Variants in ATP13A3 observed in about 807,000 individuals in gnomAD.
The protein encoded by ATP13A3 is ATPase 13A3.
A neutral mutation model predicts 158.1 loss-of-function variants in ATP13A3; 59 were observed. The ratio of observed to expected loss-of-function variants is 0.37; its 90% CI spans 0.30 to 0.46. The LOEUF (loss-of-function observed/expected upper bound fraction) is 0.46, where lower values mean the gene tolerates loss of function less well. ATP13A3 is among the 20% of genes least tolerant of loss of function. The pLI, the probability that ATP13A3 is intolerant of heterozygous loss-of-function variation, is 1.00. For synonymous variants in ATP13A3, 491 were observed against 504.3 expected (o/e 0.97, Z 0.35); for missense variants, 1,166 against 1,525.2 (o/e 0.76, Z 3.92).
At chr3:194,493,377 C>T (rs999868682) in intron 2 of ATP13A3, among the ~76,000 whole-genome samples, 5 of 151,890 alleles carry the variant, frequency 3.3e-5, no homozygotes, top group South Asian at 2.1e-4. Flanking sequence ...GCTGAGCGCA[C>T]GGCTCACCCC....
chr3:194,405,891 C>T lies in ATP13A3; in HGVS notation c.*28G>A. On this transcript the variant is annotated 3_prime_UTR_variant, in exon 34 of 34. Coordinates refer to ENST00000645319, the MANE Select transcript of ATP13A3 (RefSeq NM_001367549.1). Reference sequence around the variant, plus strand: ...ATCACATATTCCTGAATACTGCTATCAGCAATACCACTGAGACTGATTCAC... The same window carrying T: ...ATCACATATTCCTGAATACTGCTATTAGCAATACCACTGAGACTGATTCAC... 3 of 1,607,506 alleles carry T rather than the reference C, an allele frequency of 1.9e-6. No individual in the cohort carries two copies. The highest frequency in any genetic ancestry group is 1.1e-5 in the South Asian group (1 of 90,816).
intron 2 of ATP13A3, among the ~76,000 whole-genome samples, chr3:194,464,622 T>C (rs1047683308): frequency 2.0e-5 from 3 of 152,136 alleles, no homozygotes; most frequent in Non-Finnish European, 4.4e-5. Flanking sequence ...AGGCCTACTA[T>C]CAAAGGATAA....
chr3:194,463,857 A>G (rs1397549310), intron 2 of ATP13A3, among the ~76,000 whole-genome samples: 2 of 152,244 alleles, frequency 1.3e-5, no homozygotes, highest in Non-Finnish European at 2.9e-5. Context: ...ATCATAAAGC[A>G]ACCAATAAGA....
rs397972334 is a variant in ATP13A3, at chr3:194,421,944, CAAA to C, written c.3314-1980_3314-1978del. Among the ~76,000 whole-genome samples, 20 of 97,450 alleles carry C rather than the reference CAAA, an allele frequency of 2.1e-4. 1 individual carries two copies. Among genetic ancestry groups the C allele is most frequent in the African/African-American group, 4.3e-4 (10 of 23,136 alleles). 63.9% of individuals were successfully genotyped at this position (97,450 alleles called of 152,430 possible). On this transcript the variant is annotated intron_variant, in intron 30 of 33. Transcript: ENST00000645319. ...TGGTTCTTGACATGTGTGTCGTTGG[CAAA>C]AAAAAAAAAAAAAAATTTACTCAAG...
chr3:194,442,912 T>C (rs997130383), intron 15 of ATP13A3, among the ~76,000 whole-genome samples: 5 of 152,104 alleles, frequency 3.3e-5, no homozygotes, highest in African/African-American at 1.2e-4. Context: ...CTTCATAGTA[T>C]TGAGAGAACA....
intron 2 of ATP13A3, among the ~76,000 whole-genome samples, chr3:194,484,134 A>C (rs1720870868): frequency 6.6e-6 from 1 of 152,228 alleles, no homozygotes; most frequent in Admixed American, 6.5e-5. Context: ...ACATACAACT[A>C]ACCTTATAAA....
intron 2 of ATP13A3, among the ~76,000 whole-genome samples, chr3:194,468,762 C>T (rs866566558): frequency 3.3e-4 from 50 of 152,164 alleles, no homozygotes; most frequent in Non-Finnish European, 2.5e-4. Flanking sequence ...ATTTAAATAA[C>T]GACCTGTAAT....
chr3:194,428,392 G>A (rs1207588394), intron 28 of ATP13A3, among the ~76,000 whole-genome samples: 1 of 152,090 alleles, frequency 6.6e-6, no homozygotes, highest in Non-Finnish European at 1.5e-5. Flanking sequence ...CACCCCAAAG[G>A]AGCATCTGGC....
intron 16 of ATP13A3, 29 bp downstream of exon 16, chr3:194,441,282 T>A: frequency 6.4e-7 from 1 of 1,551,390 alleles, no homozygotes; most frequent in Non-Finnish European, 8.8e-7. Flanking sequence ...TTTCCTAAAG[T>A]TATTTGTATT....
intron 2 of ATP13A3, among the ~76,000 whole-genome samples, chr3:194,477,040 T>C (rs1264721945): frequency 1.3e-5 from 2 of 152,210 alleles, no homozygotes; most frequent in African/African-American, 4.8e-5. Context: ...AAACCTTACA[T>C]GTCATTCATT....
Position 194,437,317 on chromosome 3 carries a change from C to G in ATP13A3, c.1993G>C (p.Glu665Gln). Residue 665 changes from glutamate to glutamine, a missense_variant, in exon 19 of 34, where the codon GAA becomes CAA. Glu to Gln is a conservative substitution (Grantham distance 29, BLOSUM62 2). Coordinates refer to ENST00000645319, the MANE Select transcript of ATP13A3 (RefSeq NM_001367549.1). ...PEAIAGLCKP[E>Q]TVPVDFQNVL... ...AGCATAGATATTTCCTTACCTGTTT[C>G]AGGTTTACAGAGACCGGCAATGGCC... 1 of 1,614,208 alleles carries G rather than the reference C, an allele frequency of 6.2e-7. No individual in the cohort carries two copies. Among genetic ancestry groups the G allele is most frequent in the South Asian group, 1.1e-5 (1 of 91,080 alleles).
At chr3:194,452,555 C>T (rs1718885129) in intron 10 of ATP13A3, 1 of 152,144 alleles carries the variant, frequency 6.6e-6, no homozygotes, top group African/African-American at 2.4e-5. Context: ...TTGGACTGAG[C>T]CCAAATCCCT....
chr3:194,459,919 G>A lies in ATP13A3; in HGVS notation c.278C>T (p.Thr93Ile). The A allele has an allele frequency of 6.2e-7, 1 of 1,613,248 alleles. No individual in the cohort carries two copies. Among genetic ancestry groups the A allele is most frequent in the East Asian group, 2.2e-5 (1 of 44,762 alleles). ...CAKIRVLSLE[T>I]YPVSSPKSMS... ...AGATTTTGGACTTGAAACTGGGTAA[G>A]TTTCCAAAGAAAGAACGCGAATTTT... The change falls in exon 5 of 34, where the codon ACT (threonine) becomes ATT (isoleucine). Residue 93 changes from threonine to isoleucine, a missense_variant. By Grantham distance (89) the Thr-to-Ile change is moderately conservative (BLOSUM62 -1). Coordinates refer to ENST00000645319, the MANE Select transcript of ATP13A3 (RefSeq NM_001367549.1).
At chr3:194,475,989 G>A (rs1301158761) in intron 2 of ATP13A3, among the ~76,000 whole-genome samples, 4 of 152,104 alleles carry the variant, frequency 2.6e-5, no homozygotes, top group Admixed American at 6.5e-5. Flanking sequence ...GGAATGACAC[G>A]TAGGCAGCAC....
At position 194,485,833 on chromosome 3, in the gene ATP13A3, G is replaced by A. The variant is rs1221349786; in HGVS notation, c.-86C>T. ...CACCAAGATTCAGGGATGTCTGTCA[G>A]ATCTATGGGAAGAGGAAACAATAAA... On this transcript the variant is annotated splice_region_variant and 5_prime_UTR_variant, in exon 2 of 34. Coordinates refer to ENST00000645319, the MANE Select transcript of ATP13A3 (RefSeq NM_001367549.1). 6.6e-6 allele frequency: 1 copy of A among 152,196 alleles called. No individual in the cohort carries two copies. The highest frequency in any genetic ancestry group is 1.9e-4 in the East Asian group (1 of 5,202). The allele number at this position is 152,196 out of a possible 1,614,324, so 9.4% of individuals were successfully genotyped here.
chr3:194,449,197 C>T (rs11914779), intron 11 of ATP13A3, among the ~76,000 whole-genome samples: 34,331 of 151,918 alleles, frequency 0.23, 4,475 homozygotes, highest in African/African-American at 0.37. Context: ...TAATTCTCTG[C>T]AGCATTCACA....
rs780256077 is a variant in ATP13A3 at position 194,437,131 on chromosome 3, G to C, written c.2084C>G (p.Ser695Ter). ...CTGTACTTTATGCCATGTCAGTTTT[G>C]ACTCCAATTTTCTGTGTGCAAGAGC... The part of the protein sequence containing the change: ...VIALAHRKLE[S>*]KLTWHKVQNI... The change falls in exon 20 of 34, where the codon TCA becomes TGA. Residue 695 changes from serine (S) to a stop codon, truncating the protein, a stop_gained. Coordinates refer to ENST00000645319, the MANE Select transcript of ATP13A3 (RefSeq NM_001367549.1). LOFTEE classifies it high-confidence loss of function. 1 of 1,614,098 alleles carries C rather than the reference G, an allele frequency of 6.2e-7. No homozygotes were observed. Among genetic ancestry groups the C allele is most frequent in the Admixed American group, 1.7e-5 (1 of 60,028 alleles).
chr3:194,450,137 T>C lies in ATP13A3; in HGVS notation c.970+8A>G, dbSNP rs1208022431. Reference sequence around the variant, plus strand: ...CAACTCATGTTGATATTTACTCATTTAGCTTACCTGTTAACATGCTTTCGT... The same window carrying C: ...CAACTCATGTTGATATTTACTCATTCAGCTTACCTGTTAACATGCTTTCGT... On this transcript the variant is annotated splice_region_variant and intron_variant, in intron 11 of 33. Coordinates refer to ENST00000645319, the MANE Select transcript of ATP13A3 (RefSeq NM_001367549.1). 6.2e-7 allele frequency: 1 copy of C among 1,613,094 alleles called. No individual in the cohort carries two copies. The highest frequency in any genetic ancestry group is 1.1e-5 in the South Asian group (1 of 90,836).
chr3:194,448,470 T>C lies in ATP13A3; in HGVS notation c.1137A>G (p.Ile379Met), dbSNP rs1718560411. Residue 379 changes from isoleucine to methionine, a missense_variant, in exon 12 of 34, where the codon ATA becomes ATG. Physicochemically the swap from Ile to Met is conservative, Grantham distance 10 (BLOSUM62 1). This residue lies in a region of ATP13A3 where 997 missense variants were observed against 1,341.2 expected (regional missense o/e 0.74). Coordinates refer to ENST00000645319, the MANE Select transcript of ATP13A3 (RefSeq NM_001367549.1). The surrounding 1 kb of genome is among the most constrained non-coding windows in gnomAD (Gnocchi z 4.0). ...GATGTTTCCTACCTGTTCTAACAAC[T>C]ATGGCTTTGACGAGTTCTCCAGTGT... The part of the protein sequence containing the change: ...RFYTGELVKA[I>M]VVRTGFSTSK... 3 of 1,613,922 alleles carry C rather than the reference T, an allele frequency of 1.9e-6. No individual in the cohort carries two copies. The Admixed American group carries it at 5.0e-5, about 27-fold the overall frequency.
Sources: gnomAD v4.1 joint callset for allele counts (sites outside exome capture counted in the v4.1 genomes callset) on GRCh38, gnomAD v4.1.1 for gene constraint, gnomAD v4.1.1 regional missense constraint, Gnocchi (gnomAD v3.1) non-coding constraint, MANE v1.5 for transcripts, NCBI Gene and HGNC (gene_info 2026-07-23, HGNC 2026-07-21) for gene names.